The following WHAMM variants were observed in gnomAD, a reference collection of about 807,000 sequenced individuals.
WHAMM encodes the protein WASP homolog associated with actin, golgi membranes and microtubules.
Under a neutral mutation model 76.5 loss-of-function variants are expected in WHAMM, and 67 were observed. The ratio of observed to expected loss-of-function variants is 0.88; its 90% CI spans 0.72 to 1.07. The LOEUF (loss-of-function observed/expected upper bound fraction) is 1.07. Among genes scored for constraint, WHAMM ranks in the 50% least tolerant of loss-of-function variants. The pLI, the probability that WHAMM is intolerant of heterozygous loss-of-function variation, is 0.00. For missense variants in WHAMM, 1,021 were observed against 1,051.1 expected, an observed-to-expected ratio of 0.97 and a Z score of 0.40; for synonymous variants, 419 against 422.1, an observed-to-expected ratio of 0.99 and a Z score of 0.09.
intron 2 of WHAMM, among the ~76,000 whole-genome samples, chr15:82,814,542 C>T (rs2050686259): frequency 6.6e-6 from 1 of 152,110 alleles, no homozygotes. Context: ...CCTCTGCCTC[C>T]TGGATTCAAG....
intron 1 of WHAMM, among the ~76,000 whole-genome samples, chr15:82,811,961 T>C (rs1425217484): frequency 3.9e-5 from 6 of 152,192 alleles, no homozygotes; most frequent in African/African-American, 1.4e-4. Context: ...AATGTATTGG[T>C]TGAAAAAAAT....
At chr15:82,815,723 C>G (rs1422756565) in intron 2 of WHAMM, among the ~76,000 whole-genome samples, 1 of 152,182 alleles carries the variant, frequency 6.6e-6, no homozygotes, top group Non-Finnish European at 1.5e-5. Flanking sequence ...ATCACCAGCA[C>G]TTGTTACTGT....
intron 6 of WHAMM, among the ~76,000 whole-genome samples, chr15:82,825,092 T>C (rs1357692182): frequency 6.6e-6 from 1 of 152,152 alleles, no homozygotes; most frequent in Non-Finnish European, 1.5e-5. Flanking sequence ...ACCACTGCAC[T>C]TCAGCTGGGG....
Position 82,833,397 on chromosome 15 carries a change from C to G in WHAMM, c.2291C>G (p.Pro764Arg). 1 of 1,614,014 alleles carries G rather than the reference C, an allele frequency of 6.2e-7. No individual in the cohort carries two copies. The highest frequency in any genetic ancestry group is 1.3e-5 in the African/African-American group (1 of 75,064). ...KKVHPDLGPN[P>R]SSKPTSNRRT... is the part of the protein sequence containing the mutation. ...GTTCACCCTGATCTTGGCCCAAACC[C>G]CAGCAGCAAACCAACCAGCAACAGA... Residue 764 changes from proline to arginine, a missense_variant, in exon 10 of 10, where the codon CCC becomes CGC. Coordinates refer to ENST00000286760, the MANE Select transcript of WHAMM (RefSeq NM_001080435.3).
intron 3 of WHAMM, 48 bp from the exon 4 acceptor site, chr15:82,817,872 T>C (rs1364673253): frequency 3.6e-6 from 5 of 1,399,966 alleles, no homozygotes; most frequent in African/African-American, 1.4e-5. Context: ...GATAAATGTT[T>C]CCCTTTTTAA....
chr15:82,821,024 C>T (rs1221585765), intron 5 of WHAMM, among the ~76,000 whole-genome samples: 1 of 152,026 alleles, frequency 6.6e-6, no homozygotes, highest in Non-Finnish European at 1.5e-5. Flanking sequence ...GGCAGTCTTC[C>T]AATTTTCATT....
At chr15:82,828,646 G>A (rs1212578619) in intron 8 of WHAMM, among the ~76,000 whole-genome samples, 21 of 152,210 alleles carry the variant, frequency 1.4e-4, no homozygotes, top group Non-Finnish European at 7.3e-5. Flanking sequence ...TTTTTCATGT[G>A]TGGGTGATAT....
chr15:82,816,923 G>A (rs940974820), intron 3 of WHAMM, 81 bp downstream of exon 3: 24 of 1,361,838 alleles, frequency 1.8e-5, no homozygotes, highest in East Asian at 1.8e-4. Flanking sequence ...TCCCTCTTAC[G>A]CACTAGGTAC....
At chr15:82,816,556 G>A (rs2050729726) in intron 2 of WHAMM, 136 bp from the exon 3 acceptor site, 1 of 815,978 alleles carries the variant, frequency 1.2e-6, no homozygotes, top group South Asian at 2.0e-5. Flanking sequence ...GTAAGGGACT[G>A]CTGAATGAAT....
At chr15:82,822,634 T>C (rs2050848403) in intron 5 of WHAMM, among the ~76,000 whole-genome samples, 1 of 152,136 alleles carries the variant, frequency 6.6e-6, no homozygotes, top group Non-Finnish European at 1.5e-5. Flanking sequence ...GACGGGGTTT[T>C]GCCGTGTTGG....
At chr15:82,824,162 C>CTTTTTTTTTTTTTTTT (rs71156055) in intron 6 of WHAMM, among the ~76,000 whole-genome samples, 8,358 of 116,990 alleles carry the variant, frequency 0.071, 1,139 homozygotes, top group Non-Finnish European at 0.088. Context: ...TACTTTTCTC[C>CTTTTTTTTTTTTTTTT]TTTTTTTTTT....
chr15:82,822,835 T>C (rs2050853527), intron 5 of WHAMM, among the ~76,000 whole-genome samples: 1 of 151,918 alleles, frequency 6.6e-6, no homozygotes, highest in Non-Finnish European at 1.5e-5. Context: ...TATATATATA[T>C]ATACACACAT....
intron 1 of WHAMM, among the ~76,000 whole-genome samples, chr15:82,812,189 A>C (rs2050639297): frequency 6.6e-6 from 1 of 152,186 alleles, no homozygotes; most frequent in South Asian, 2.1e-4. Context: ...CAACATGCTG[A>C]AGTACTTGGA....
At chr15:82,832,185 T>C (rs1296303742) in intron 9 of WHAMM, among the ~76,000 whole-genome samples, 6 of 152,216 alleles carry the variant, frequency 3.9e-5, no homozygotes, top group African/African-American at 9.6e-5. Context: ...GGAAGTTCTG[T>C]TCAACTCACA....
intron 5 of WHAMM, among the ~76,000 whole-genome samples, chr15:82,822,803 AAGT>A (rs1304929966): frequency 6.7e-6 from 1 of 148,414 alleles, no homozygotes; most frequent in Non-Finnish European, 1.5e-5. Flanking sequence ...GTAGCTATGT[AAGT>A]AGTATGTGTG....
chr15:82,828,965 T>TG (rs2050983105), intron 8 of WHAMM, among the ~76,000 whole-genome samples: 2 of 151,670 alleles, frequency 1.3e-5, no homozygotes, highest in African/African-American at 4.9e-5. Context: ...AATAAGGGAG[T>TG]TCTGTGTTTA....
At chr15:82,818,328 G>GT (rs1450049402) in intron 4 of WHAMM, among the ~76,000 whole-genome samples, 9 of 152,098 alleles carry the variant, frequency 5.9e-5, no homozygotes, top group Non-Finnish European at 1.0e-4. Context: ...TCCACACTGT[G>GT]TATACACATT....
intron 7 of WHAMM, 72 bp from the exon 8 acceptor site, chr15:82,826,679 C>T (rs1399053389): frequency 1.3e-6 from 2 of 1,528,976 alleles, no homozygotes; most frequent in African/African-American, 2.8e-5. Context: ...TTTGCTGAGA[C>T]ATTTTTATTG....
rs1158250210 is a variant in WHAMM, at chr15:82,826,479, C to A, written c.1528C>A (p.His510Asn). Residue 510 changes from histidine to asparagine, a missense_variant, in exon 7 of 10, where the codon CAT becomes AAT. By Grantham distance (68) the His-to-Asn change is moderately conservative. Transcript: ENST00000286760. The part of the protein sequence containing the change: ...AEESIRYSRQ[H>N]HSIQMKRDKI... Reference sequence around the variant, plus strand: ...AGAAAGCATAAGATACTCTCGTCAGCATCACAGTATTCAGATGGTGAGTCT... The same window carrying A: ...AGAAAGCATAAGATACTCTCGTCAGAATCACAGTATTCAGATGGTGAGTCT... 4 of 1,613,896 alleles carry A rather than the reference C, an allele frequency of 2.5e-6. No homozygotes were observed. Among genetic ancestry groups the A allele is most frequent in the Middle Eastern group, 1.6e-4 (1 of 6,062 alleles).
Sources: gnomAD v4.1 joint callset for allele counts (sites outside exome capture counted in the v4.1 genomes callset) on GRCh38, gnomAD v4.1.1 for gene constraint, MANE v1.5 for transcripts, NCBI Gene and HGNC (gene_info 2026-07-23, HGNC 2026-07-21) for gene names.